The following LRP1B variants were observed in gnomAD, a reference collection of about 807,000 sequenced individuals.
LRP1B encodes low-density lipoprotein receptor-related protein 1B.
LRP1B carries 217 observed loss-of-function variants against 556.6 expected under a neutral mutation model. That is an observed-to-expected ratio of 0.39 (90% CI 0.35 to 0.44). LRP1B has a LOEUF of 0.44. LRP1B is among the 20% of genes least tolerant of loss of function. LRP1B has a pLI of 1.00. For synonymous variants in LRP1B, 2,047 were observed against 1,865.8 expected, an observed-to-expected ratio of 1.10 and a Z score of -2.50; for missense variants, 5,053 against 5,620.8, an observed-to-expected ratio of 0.90 and a Z score of 3.23.
At chr2:141,544,197 T>G (rs2105215252) in intron 2 of LRP1B, among the ~76,000 whole-genome samples, 1 of 152,212 alleles carries the variant, frequency 6.6e-6, no homozygotes, top group East Asian at 1.9e-4. Context: ...TTTAGGGTAT[T>G]AAATAGGTCT....
At chr2:140,688,710 C>T (rs1331225464) in intron 41 of LRP1B, among the ~76,000 whole-genome samples, 1 of 152,154 alleles carries the variant, frequency 6.6e-6, no homozygotes, top group Non-Finnish European at 1.5e-5. Flanking sequence ...GCTGTGCAAG[C>T]AGAGACTTAT....
At chr2:140,368,425 C>A (rs773667341) in intron 71 of LRP1B, among the ~76,000 whole-genome samples, 1 of 151,714 alleles carries the variant, frequency 6.6e-6, no homozygotes, top group Admixed American at 6.6e-5. Context: ...ATTTATTTGA[C>A]TAACACATTG....
At chr2:141,095,811 T>C (rs1020214158) in intron 7 of LRP1B, among the ~76,000 whole-genome samples, 1 of 152,080 alleles carries the variant, frequency 6.6e-6, no homozygotes, top group African/African-American at 2.4e-5. Context: ...GCTAGGCAGG[T>C]GTCTGCGTAT....
At chr2:140,959,664 A>T (rs1437598607) in intron 18 of LRP1B, among the ~76,000 whole-genome samples, 2 of 151,782 alleles carry the variant, frequency 1.3e-5, no homozygotes, top group East Asian at 3.8e-4. Context: ...CTCAAAATAC[A>T]TGTGAAGTAT....
intron 41 of LRP1B, among the ~76,000 whole-genome samples, chr2:140,677,043 G>A (rs1685695066): frequency 6.6e-6 from 1 of 152,166 alleles, no homozygotes; most frequent in African/African-American, 2.4e-5. Flanking sequence ...ACTTCTTAGG[G>A]AAGAAAAGCA....
At chr2:141,044,830 A>AACT (rs1698818589) in intron 11 of LRP1B, among the ~76,000 whole-genome samples, 5 of 150,742 alleles carry the variant, frequency 3.3e-5, no homozygotes, top group Admixed American at 3.3e-4. Context: ...TGGGACTGTA[A>AACT]ACTAGTTCAA....
At chr2:140,593,813 C>A (rs35150388) in intron 43 of LRP1B, among the ~76,000 whole-genome samples, 31,775 of 151,572 alleles carry the variant, frequency 0.21, 3,610 homozygotes, top group Middle Eastern at 0.29. Context: ...TTTAAAAAAC[C>A]CTTTTTTGAT....
chr2:141,870,947 CT>C (rs1698567201), intron 1 of LRP1B, among the ~76,000 whole-genome samples: 1 of 151,958 alleles, frequency 6.6e-6, no homozygotes, highest in Non-Finnish European at 1.5e-5. Flanking sequence ...CTAGTCCCCC[CT>C]GGACCTTAGC....
At chr2:141,470,228 A>T (rs940428729) in intron 3 of LRP1B, among the ~76,000 whole-genome samples, 1 of 152,134 alleles carries the variant, frequency 6.6e-6, no homozygotes, top group Non-Finnish European at 1.5e-5. Flanking sequence ...TTAACTTCTT[A>T]TTGTTACTGG....
At chr2:140,801,770 A>C (rs1466472475) in intron 32 of LRP1B, among the ~76,000 whole-genome samples, 1 of 152,154 alleles carries the variant, frequency 6.6e-6, no homozygotes. Context: ...TCAGCCTTTG[A>C]AAGTGGCTAA....
At chr2:140,666,344 T>C (rs894035821) in intron 41 of LRP1B, among the ~76,000 whole-genome samples, 1 of 150,462 alleles carries the variant, frequency 6.6e-6, no homozygotes, top group African/African-American at 2.4e-5. Flanking sequence ...CACAAATAAA[T>C]TGCCTCCCAA....
intron 43 of LRP1B, among the ~76,000 whole-genome samples, chr2:140,548,847 C>T (rs977393808): frequency 6.6e-6 from 1 of 152,034 alleles, no homozygotes. Context: ...ATCGCTTGAA[C>T]CCGGGAGGCA....
intron 1 of LRP1B, among the ~76,000 whole-genome samples, chr2:141,935,673 C>T (rs893382749): frequency 1.3e-5 from 2 of 152,160 alleles, no homozygotes; most frequent in East Asian, 1.9e-4. Context: ...AAGAAAACAT[C>T]TAGCTGCTCG....
chr2:140,422,898 C>T (rs1518436), intron 66 of LRP1B, among the ~76,000 whole-genome samples: 21,464 of 152,118 alleles, frequency 0.14, 1,884 homozygotes, highest in African/African-American at 0.25. Flanking sequence ...TTCGGTCCTG[C>T]CTTTTATTGC....
chr2:140,475,262 A>G lies in LRP1B; in HGVS notation c.9501T>C (p.Val3167=), dbSNP rs1210008436. ...RVGMDGTNQS[V]VIETKISRPM... is the part of the protein sequence containing the mutation. ...GTCTAGAAATCTTGGTTTCTATGACAACACTCTGATTGGTTCCATCCATTC... is the reference window on the plus strand; with the variant it reads ...GTCTAGAAATCTTGGTTTCTATGACGACACTCTGATTGGTTCCATCCATTC... Residue 3167 remains valine (V), a synonymous_variant, in exon 60 of 91, where the codon GTT becomes GTC. Coordinates refer to ENST00000389484, the MANE Select transcript of LRP1B (RefSeq NM_018557.3). 4 of 1,612,236 alleles carry G rather than the reference A, an allele frequency of 2.5e-6. No homozygotes were observed. In the Admixed American group the frequency reaches 6.7e-5, roughly 27 times the overall value.
chr2:142,044,199 C>A (rs1033611935), intron 1 of LRP1B, among the ~76,000 whole-genome samples: 3 of 151,646 alleles, frequency 2.0e-5, no homozygotes, highest in Non-Finnish European at 3.0e-5. Context: ...GACACAACAA[C>A]CCCTTGCTTT....
At chr2:140,277,980 CTGTCCCAAGAA>C (rs767883363) in intron 84 of LRP1B, among the ~76,000 whole-genome samples, 8 of 151,702 alleles carry the variant, frequency 5.3e-5, no homozygotes, top group Non-Finnish European at 1.2e-4. Flanking sequence ...ATCCAAATGT[CTGTCCCAAGAA>C]TGGATAAACT....
chr2:140,327,500 G>GAATT, intron 79 of LRP1B, among the ~76,000 whole-genome samples: 1 of 152,092 alleles, frequency 6.6e-6, no homozygotes, highest in East Asian at 1.9e-4. Context: ...TTTTCATGTA[G>GAATT]AATTATGAGT....
At chr2:141,164,350 A>C (rs1469439621) in intron 7 of LRP1B, among the ~76,000 whole-genome samples, 1 of 152,096 alleles carries the variant, frequency 6.6e-6, no homozygotes, top group African/African-American at 2.4e-5. Context: ...CCCAATTTTC[A>C]TCAATGTCCA....
Sources: allele counts gnomAD v4.1 joint callset (sites outside exome capture counted in the v4.1 genomes callset), GRCh38; gene constraint gnomAD v4.1.1; transcripts MANE v1.5; gene names NCBI Gene and HGNC (gene_info 2026-07-23, HGNC 2026-07-21).